The following ANK1 variants were observed in gnomAD, a reference collection of about 807,000 sequenced individuals.
The protein encoded by ANK1 is ankyrin-1.
A neutral mutation model predicts 210.4 loss-of-function variants in ANK1; 51 were observed. The observed-to-expected ratio is 0.24, with a 90% confidence interval of 0.19 to 0.31. The LOEUF (loss-of-function observed/expected upper bound fraction) is 0.31. Among genes scored for constraint, ANK1 ranks in the 10% least tolerant of loss-of-function variants. The pLI, the probability that ANK1 is intolerant of heterozygous loss-of-function variation, is 1.00. For missense variants in ANK1, 2,051 were observed against 2,504.4 expected (o/e 0.82, Z 3.86); for synonymous variants, 967 against 1,025.9 (o/e 0.94, Z 1.10).
intron 1 of ANK1, among the ~76,000 whole-genome samples, chr8:41,761,584 C>T (rs1019205420): frequency 6.6e-5 from 10 of 152,070 alleles, no homozygotes; most frequent in East Asian, 1.9e-4. Context: ...CTCCAGACAG[C>T]GAGAGAACAC....
Position 41,735,863 on chromosome 8 carries a change from G to A in ANK1, c.130-1794C>T, listed in dbSNP as rs150111102. Among the ~76,000 whole-genome samples, 13 of 152,264 alleles carry A rather than the reference G, an allele frequency of 8.5e-5. No homozygotes were observed. In the East Asian group the frequency reaches 2.5e-3, roughly 29 times the overall value. On this transcript the variant is annotated intron_variant, in intron 2 of 42. Transcript: ENST00000289734. ...TTGGATGTTAGAGAAATGAGAAGGG[G>A]GGCTGCAAAGGGAACATTACCTACC... is the stretch of plus-strand genomic sequence containing the variant.
chr8:41,816,293 G>A (rs1803315266), intron 1 of ANK1, among the ~76,000 whole-genome samples: 1 of 152,262 alleles, frequency 6.6e-6, no homozygotes, highest in Admixed American at 6.5e-5. Flanking sequence ...CACAGTAATG[G>A]ACACTGCAGT....
chr8:41,761,371 GCACA>G (rs58257785), intron 1 of ANK1, among the ~76,000 whole-genome samples: 30,449 of 150,660 alleles, frequency 0.2, 3,212 homozygotes, highest in South Asian at 0.23. Context: ...AGACCTGTGT[GCACA>G]CACACACACA....
At chr8:41,709,316 C>A (rs1170975377) in intron 16 of ANK1, among the ~76,000 whole-genome samples, 1 of 152,132 alleles carries the variant, frequency 6.6e-6, no homozygotes, top group African/African-American at 2.4e-5. Context: ...AGCCAAAAAC[C>A]CCAAATATTT....
At chr8:41,697,907 G>T in intron 24 of ANK1, 136 bp downstream of exon 24, 2 of 850,082 alleles carry the variant, frequency 2.4e-6, no homozygotes, top group Non-Finnish European at 1.9e-6. Context: ...TCCAAGCGTG[G>T]AATGCCAGTT....
chr8:41,723,499 T>TC (rs760967214), intron 8 of ANK1, 36 bp downstream of exon 8: 1 of 1,602,014 alleles, frequency 6.2e-7, no homozygotes, highest in Non-Finnish European at 8.5e-7. Flanking sequence ...GGGACCTCCC[T>TC]CCCCCTGCCT....
intron 33 of ANK1, among the ~76,000 whole-genome samples, chr8:41,688,867 A>G (rs1818435896): frequency 6.6e-6 from 1 of 152,218 alleles, no homozygotes; most frequent in Non-Finnish European, 1.5e-5. Flanking sequence ...GTTCACGGCA[A>G]CCTAAGAGGT....
intron 11 of ANK1, 77 bp downstream of exon 11, chr8:41,718,029 C>T: frequency 1.4e-6 from 2 of 1,421,916 alleles, no homozygotes; most frequent in Non-Finnish European, 2.0e-6. Context: ...TACAAAGCTA[C>T]AAAGAGCGAC....
intron 1 of ANK1, among the ~76,000 whole-genome samples, chr8:41,894,727 GAGA>G (rs1289887873): frequency 1.3e-5 from 2 of 152,146 alleles, no homozygotes; most frequent in East Asian, 1.9e-4. Flanking sequence ...ACTCCTTCCC[GAGA>G]AGAAGTTCAC....
rs117204079 is a variant in ANK1, at chr8:41,748,108, C to T, written c.129+9928G>A. Among the ~76,000 whole-genome samples the T allele has an allele frequency of 6.9e-3, 1,043 of 152,218 alleles. 3 individuals carry two copies. Among genetic ancestry groups the T allele is most frequent in the Middle Eastern group, 0.017 (5 of 294 alleles). ...AGGGTGACGTCAGCATTAACGGTGT[C>T]GCAGGTACCAGGTGCCAGGCATAGG... On this transcript the variant is annotated intron_variant, in intron 2 of 42. Coordinates refer to ENST00000289734, the MANE Select transcript of ANK1 (RefSeq NM_000037.4).
intron 16 of ANK1, among the ~76,000 whole-genome samples, chr8:41,710,134 T>G (rs55706810): frequency 0.29 from 43,726 of 151,878 alleles, 6,324 homozygotes; most frequent in Middle Eastern, 0.36. Context: ...AAGCAGCGCA[T>G]GGGTTTACAT....
chr8:41,835,297 C>T (rs918430706), intron 1 of ANK1, among the ~76,000 whole-genome samples: 15 of 152,152 alleles, frequency 9.9e-5, no homozygotes, highest in Admixed American at 6.5e-4. Flanking sequence ...ACTAAAAATA[C>T]AAAAATTAGC....
intron 2 of ANK1, among the ~76,000 whole-genome samples, chr8:41,745,093 C>CAG (rs1004394762): frequency 2.6e-4 from 10 of 38,372 alleles, no homozygotes; most frequent in East Asian, 2.3e-3. Flanking sequence ...CGTGAGAAAA[C>CAG]AGACAGAGAC....
chr8:41,694,210 G>T lies in ANK1; in HGVS notation c.3328-108C>A. ...AGTGGCCGTCAGTGCACGGGGTCCCGCCCTGCTGTTGGACCACAGAACCGA... is the reference window on the plus strand; with the variant it reads ...AGTGGCCGTCAGTGCACGGGGTCCCTCCCTGCTGTTGGACCACAGAACCGA... On this transcript the variant is annotated intron_variant, in intron 28 of 42. Coordinates refer to ENST00000289734, the MANE Select transcript of ANK1 (RefSeq NM_000037.4). This position sits in a 1 kb window ranked among gnomAD's most constrained non-coding sequence, Gnocchi z 5.7. 2 of 1,212,122 alleles carry T rather than the reference G, an allele frequency of 1.7e-6. No individual in the cohort carries two copies. 75.1% of individuals were successfully genotyped at this position (1,212,122 alleles called of 1,614,324 possible).
At chr8:41,755,960 T>C (rs1352327337) in intron 2 of ANK1, among the ~76,000 whole-genome samples, 1 of 152,156 alleles carries the variant, frequency 6.6e-6, no homozygotes, top group Non-Finnish European at 1.5e-5. Context: ...TGAAGTGCAC[T>C]GCCAGGGTCT....
intron 20 of ANK1, among the ~76,000 whole-genome samples, chr8:41,703,446 A>ATTTTTTTTT (rs1465782716): frequency 3.2e-5 from 2 of 61,580 alleles, no homozygotes; most frequent in African/African-American, 1.3e-4. Flanking sequence ...ATATATATAT[A>ATTTTTTTTT]TATATTTTTT....
intron 1 of ANK1, chr8:41,789,278 T>C (rs1208794832): frequency 6.6e-6 from 1 of 152,146 alleles, no homozygotes; most frequent in Non-Finnish European, 1.5e-5. Flanking sequence ...AGGTTAAGAG[T>C]TATTGATCCA....
At chr8:41,713,190 A>G (rs1826649770) in intron 16 of ANK1, among the ~76,000 whole-genome samples, 2 of 152,220 alleles carry the variant, frequency 1.3e-5, no homozygotes, top group Non-Finnish European at 2.9e-5. Context: ...GATGCCTGCC[A>G]CATGACGGAT....
chr8:41,704,430 T>G lies in ANK1; in HGVS notation c.2140A>C (p.Ile714Leu). Residue 714 changes from isoleucine to leucine, a missense_variant, in exon 19 of 43, where the codon ATC becomes CTC. This residue lies in a region of ANK1 where 1,413 missense variants were observed against 1,707.4 expected (regional missense o/e 0.83). Transcript: ENST00000289734. This position sits in a 1 kb window ranked among gnomAD's most constrained non-coding sequence, Gnocchi z 4.1. ...PLHVASHYGN[I>L]KLVKFLLQHQ... is the part of the protein sequence containing the mutation. ...TGCAGCAGAAACTTCACCAGCTTGA[T>G]GTTTCCATAGTGACTGGCCACATGG... The G allele has an allele frequency of 6.2e-7, 1 of 1,614,164 alleles. No individual in the cohort carries two copies. The highest frequency in any genetic ancestry group is 8.5e-7 in the Non-Finnish European group (1 of 1,180,036).
Sources: allele counts gnomAD v4.1 joint callset (sites outside exome capture counted in the v4.1 genomes callset), GRCh38; gene constraint gnomAD v4.1.1; regional missense constraint gnomAD v4.1.1; non-coding constraint Gnocchi (gnomAD v3.1); transcripts MANE v1.5; gene names NCBI Gene and HGNC (gene_info 2026-07-23, HGNC 2026-07-21).